The following GLI2 variants were observed in gnomAD, a reference collection of about 807,000 sequenced individuals.
The protein encoded by GLI2 is GLI family zinc finger 2.
A neutral mutation model predicts 78.9 loss-of-function variants in GLI2; 22 were observed. The observed-to-expected ratio is 0.28, with a 90% CI of 0.20 to 0.40. GLI2 has a LOEUF of 0.40. Among genes scored for constraint, GLI2 ranks in the 10% least tolerant of loss-of-function variants. GLI2 has a pLI of 1.00. For synonymous variants in GLI2, 974 were observed against 963.7 expected (o/e 1.01, Z -0.20); for missense variants, 2,097 against 2,213.2 (o/e 0.95, Z 1.05).
intron 2 of GLI2, among the ~76,000 whole-genome samples, chr2:120,919,289 A>G (rs1679253113): frequency 6.6e-6 from 1 of 152,240 alleles, no homozygotes; most frequent in Non-Finnish European, 1.5e-5. Flanking sequence ...AGTCCCCCAT[A>G]GTGGGAACAA....
At chr2:120,920,409 A>G (rs1009596994) in intron 2 of GLI2, among the ~76,000 whole-genome samples, 1 of 151,892 alleles carries the variant, frequency 6.6e-6, no homozygotes, top group Non-Finnish European at 1.5e-5. Context: ...GCAGACCCCT[A>G]CCTCCTTCTC....
chr2:120,971,167 A>G (rs1682147506), intron 7 of GLI2, among the ~76,000 whole-genome samples: 1 of 152,194 alleles, frequency 6.6e-6, no homozygotes, highest in South Asian at 2.1e-4. Flanking sequence ...AAAGCAGCAC[A>G]TCTCTTTCCC....
At chr2:120,763,994 C>T (rs1683294963) in intron 1 of GLI2, among the ~76,000 whole-genome samples, 1 of 152,238 alleles carries the variant, frequency 6.6e-6, no homozygotes, top group Non-Finnish European at 1.5e-5. Context: ...GGGGACATCT[C>T]CCTCTAAGAA....
chr2:120,812,699 C>T (rs189420150), intron 2 of GLI2, among the ~76,000 whole-genome samples: 13 of 152,220 alleles, frequency 8.5e-5, no homozygotes, highest in Admixed American at 3.9e-4. Context: ...TTCAGGCTGC[C>T]GGGGAGCCCC....
chr2:120,932,007 C>T (rs1161216442), intron 3 of GLI2, among the ~76,000 whole-genome samples: 2 of 152,148 alleles, frequency 1.3e-5, no homozygotes, highest in Non-Finnish European at 2.9e-5. Context: ...CGGGGCTGGC[C>T]CTGGGCTCTG....
chr2:120,971,080 G>A (rs1308990737), intron 7 of GLI2, among the ~76,000 whole-genome samples: 2 of 152,242 alleles, frequency 1.3e-5, no homozygotes, highest in Admixed American at 6.5e-5. Context: ...CAAATGAAGT[G>A]TTCTTTTACA....
At chr2:120,978,637 A>G in intron 10 of GLI2, 54 bp downstream of exon 10, 2 of 1,590,696 alleles carry the variant, frequency 1.3e-6, no homozygotes, top group Non-Finnish European at 1.7e-6. Flanking sequence ...CCTGTCAGCC[A>G]GGCCGGGGGG....
intron 2 of GLI2, among the ~76,000 whole-genome samples, chr2:120,818,253 A>G (rs573910207): frequency 6.6e-6 from 1 of 152,314 alleles, no homozygotes; most frequent in South Asian, 2.1e-4. Flanking sequence ...GGTGAAGTCT[A>G]ACACCAGGAC....
intron 1 of GLI2, among the ~76,000 whole-genome samples, chr2:120,762,748 G>A (rs1683251997): frequency 6.6e-6 from 1 of 152,234 alleles, no homozygotes; most frequent in African/African-American, 2.4e-5. Flanking sequence ...ACCATGAAAG[G>A]AAGGCCTGCA....
At chr2:120,854,889 C>G (rs752736106) in intron 2 of GLI2, among the ~76,000 whole-genome samples, 9 of 152,316 alleles carry the variant, frequency 5.9e-5, no homozygotes, top group Middle Eastern at 6.8e-3. Flanking sequence ...GCTGTTGGCC[C>G]AGAACACACT....
At chr2:120,818,922 C>A (rs181931082) in intron 2 of GLI2, among the ~76,000 whole-genome samples, 1 of 152,088 alleles carries the variant, frequency 6.6e-6, no homozygotes, top group Non-Finnish European at 1.5e-5. Context: ...GCAGCCGCAG[C>A]CCCCCGCCCT....
chr2:120,872,991 G>C (rs955918661), intron 2 of GLI2, among the ~76,000 whole-genome samples: 3 of 152,250 alleles, frequency 2.0e-5, no homozygotes, highest in Non-Finnish European at 2.9e-5. Flanking sequence ...GAGAGCCAGA[G>C]TTAAGATTTT....
At chr2:120,922,088 C>T (rs1679404902) in intron 2 of GLI2, among the ~76,000 whole-genome samples, 2 of 152,188 alleles carry the variant, frequency 1.3e-5, no homozygotes, top group Non-Finnish European at 2.9e-5. Context: ...CCACCTGTCT[C>T]CTCTCACTGG....
chr2:120,819,036 G>T lies in GLI2; in HGVS notation c.148+21568G>T, dbSNP rs902108413. Among the ~76,000 whole-genome samples the T allele has an allele frequency of 4.6e-5, 7 of 152,238 alleles. No individual in the cohort carries two copies. The South Asian group carries it at 1.5e-3, about 32-fold the overall frequency. On this transcript the variant is annotated intron_variant, in intron 2 of 13. Transcript: ENST00000361492. ...AGACGCACTGAATAAGGGCCTAGGG[G>T]GCTTTTATCATACACTCTTAGTGCA...
At position 120,955,153 on chromosome 2, in the gene GLI2, C is replaced by CTT. The variant is rs869202442; in HGVS notation, c.458-65_458-64dup. The stretch of plus-strand genomic sequence containing the variant: ...ACACCAGGTGTGCATTTCTCTCTGC[C>CTT]TTTTTTTTTTTTTTTTTTTTTTTTT... On this transcript the variant is annotated intron_variant, in intron 4 of 13. Coordinates refer to ENST00000361492, the MANE Select transcript of GLI2 (RefSeq NM_001374353.1). 1.1e-3 allele frequency: 156 copies of CTT among 147,038 alleles called. 4 individuals carry two copies. The highest frequency in any genetic ancestry group is 1.5e-3 in the Non-Finnish European group (96 of 65,736). 9.1% of individuals were successfully genotyped at this position (147,038 alleles called of 1,614,324 possible).
chr2:120,929,159 G>A (rs913751508), intron 3 of GLI2, among the ~76,000 whole-genome samples: 5 of 152,178 alleles, frequency 3.3e-5, no homozygotes, highest in Admixed American at 1.3e-4. Context: ...TTCGGATCAT[G>A]CGTTTTGGGG....
At chr2:120,821,891 T>G (rs1038919938) in intron 2 of GLI2, among the ~76,000 whole-genome samples, 1 of 152,208 alleles carries the variant, frequency 6.6e-6, no homozygotes, top group Non-Finnish European at 1.5e-5. Context: ...TCCCCTGGGC[T>G]GGGCTGCCAC....
intron 2 of GLI2, among the ~76,000 whole-genome samples, chr2:120,825,899 C>T (rs970854989): frequency 6.6e-5 from 10 of 152,222 alleles, no homozygotes; most frequent in African/African-American, 1.9e-4. Context: ...GCTGCTGGTT[C>T]GCAGATGGCC....
At chr2:120,739,915 CTAAT>C (rs1225545373) in intron 1 of GLI2, among the ~76,000 whole-genome samples, 2 of 150,292 alleles carry the variant, frequency 1.3e-5, no homozygotes, top group South Asian at 4.1e-4. Context: ...AAACTGCTCT[CTAAT>C]TGTTTCCTCA....
Sources: gnomAD v4.1 joint callset for allele counts (sites outside exome capture counted in the v4.1 genomes callset) on GRCh38, gnomAD v4.1.1 for gene constraint, MANE v1.5 for transcripts, NCBI Gene and HGNC (gene_info 2026-07-23, HGNC 2026-07-21) for gene names.